The following TSC2 variants were observed in gnomAD, a reference collection of about 807,000 sequenced individuals.
The protein encoded by TSC2 is TSC complex subunit 2.
TSC2 carries 29 observed loss-of-function variants against 202.2 expected under a neutral mutation model. That is an observed-to-expected ratio of 0.14 (90% confidence interval 0.11 to 0.20). The LOEUF (loss-of-function observed/expected upper bound fraction) is 0.20. Ranked by LOEUF, TSC2 falls within the 10% of genes least tolerant of loss-of-function variation. The probability of loss-of-function intolerance (pLI) is 1.00; values close to 1 mark genes in which losing one functional copy is unlikely to be tolerated. For synonymous variants in TSC2, 1,349 were observed against 1,044.0 expected, an observed-to-expected ratio of 1.29 and a Z score of -5.63; for missense variants, 2,429 against 2,420.0, an observed-to-expected ratio of 1.00 and a Z score of -0.08.
chr16:2,058,641 A>G lies in TSC2; in HGVS notation c.849-106A>G, dbSNP rs1004914543. 75 of 1,504,946 alleles carry G rather than the reference A, an allele frequency of 5.0e-5. No individual in the cohort carries two copies. In the African/African-American group the frequency reaches 9.5e-4, roughly 19 times the overall value. The allele number at this position is 1,504,946 out of a possible 1,614,324, so 93.2% of individuals were successfully genotyped here. A position where few individuals can be genotyped will look rare whatever the true frequency, so the allele number is the denominator to read the frequency against. On this transcript the variant is annotated intron_variant, in intron 9 of 41. Coordinates refer to ENST00000219476, the MANE Select transcript of TSC2 (RefSeq NM_000548.5). ...CGGTGCTCCTGCCCCCCCCAAGCAC[A>G]GGGACCTCTGGGGCTGCTGCAGGAG...
intron 11 of TSC2, 114 bp from the exon 12 acceptor site, chr16:2,061,757 G>C: frequency 6.4e-7 from 1 of 1,573,484 alleles, no homozygotes; most frequent in Non-Finnish European, 8.7e-7. Flanking sequence ...GCGGCCCAGA[G>C]CGGCCTGAGA....
chr16:2,079,552 C>T lies in TSC2; in HGVS notation c.3285-5C>T, dbSNP rs1444989940. On this transcript the variant is annotated splice_region_variant and splice_polypyrimidine_tract_variant and intron_variant, in intron 28 of 41. Coordinates refer to ENST00000219476, the MANE Select transcript of TSC2 (RefSeq NM_000548.5). The surrounding 1 kb of genome is among the most constrained non-coding windows in gnomAD (Gnocchi z 4.6). ...TCCACCCTGTGCGTGGGATTCTCTT[C>T]TCAGCTCCAGCCCCGGGGTGCATGT... 26 of 1,608,952 alleles carry T rather than the reference C, an allele frequency of 1.6e-5. No homozygotes were observed. Among genetic ancestry groups the T allele is most frequent in the Non-Finnish European group, 2.0e-5 (24 of 1,178,278 alleles).
chr16:2,057,287 G>T, intron 9 of TSC2, 109 bp downstream of exon 9: 1 of 1,343,526 alleles, frequency 7.4e-7, no homozygotes, highest in Non-Finnish European at 1.0e-6. Flanking sequence ...TTGTCCTCTC[G>T]GGCAGCTGTT....
rs1035837417 is a variant in TSC2, at chr16:2,076,086, G to C, written c.2658G>C (p.Val886=). 6.2e-7 allele frequency: 1 copy of C among 1,613,974 alleles called. No individual in the cohort carries two copies. Among genetic ancestry groups the C allele is most frequent in the Non-Finnish European group, 8.5e-7 (1 of 1,180,046 alleles). Residue 886 remains valine, a synonymous_variant, in exon 24 of 42, where the codon GTG becomes GTC. Coordinates refer to ENST00000219476, the MANE Select transcript of TSC2 (RefSeq NM_000548.5). ...TNPSKFNQYI[V]CLAHHVIAMW... is the part of the protein sequence containing the mutation. The stretch of plus-strand genomic sequence containing the variant: ...ATCTCAGGTTTAATCAGTACATCGT[G>C]TGTCTGGCCCATCACGTCATAGCCA...
rs1441136255 is a variant in TSC2, at chr16:2,084,525, G to T, written c.4303G>T (p.Glu1435Ter). The T allele has an allele frequency of 6.2e-7, 1 of 1,609,532 alleles. No homozygotes were observed. Reference sequence around the variant, plus strand: ...AAGTGCTGCCTGGTCGGCCTCGGGCGAAGACAGTCGGGGCCAGCCCGAGGG... The same window carrying T: ...AAGTGCTGCCTGGTCGGCCTCGGGCTAAGACAGTCGGGGCCAGCCCGAGGG... ...GESAAWSASG[E>*]DSRGQPEGPL... is the part of the protein sequence containing the mutation. Residue 1435 changes from glutamate to a stop codon, truncating the protein, a stop_gained, in exon 34 of 42, where the codon GAA (glutamate) becomes TAA (stop). Transcript: ENST00000219476. LOFTEE classifies it high-confidence loss of function.
intron 5 of TSC2, chr16:2,054,991 G>T (rs899729819): frequency 5.8e-6 from 2 of 346,392 alleles, no homozygotes; most frequent in South Asian, 2.5e-5. Flanking sequence ...GGTGCCTACC[G>T]TCAGGTTTCC....
intron 3 of TSC2, 32 bp downstream of exon 3, chr16:2,050,518 G>A: frequency 1.9e-6 from 3 of 1,595,958 alleles, no homozygotes; most frequent in African/African-American, 1.3e-5. Context: ...ACTAGAGAGA[G>A]GCACGTAGAC....
At chr16:2,054,488 T>A (rs769339163) in intron 5 of TSC2, 48 bp downstream of exon 5, 7 of 1,612,740 alleles carry the variant, frequency 4.3e-6, no homozygotes, top group Non-Finnish European at 4.2e-6. Context: ...GACGATCAAG[T>A]GTAACCTGGA....
intron 31 of TSC2, chr16:2,082,007 C>G (rs1657328293): frequency 1.4e-6 from 1 of 728,418 alleles, no homozygotes; most frequent in Non-Finnish European, 2.3e-6. Context: ...CTGGCAGCTT[C>G]AGAAGCAGTA....
At position 2,077,354 on chromosome 16, in the gene TSC2, C is replaced by T. The variant is rs1212294763; in HGVS notation, c.2838-244C>T. 2.6e-5 allele frequency: 15 copies of T among 584,704 alleles called. No individual in the cohort carries two copies. In the Admixed American group the frequency reaches 3.9e-4, roughly 15 times the overall value. 36.2% of individuals were successfully genotyped at this position (584,704 alleles called of 1,614,324 possible). Reference sequence around the variant, plus strand: ...GCACTGACGTTGTTTGTTTTGGTGTCATGCGTGAAGCCTTACTTGTTCTCA... The same window carrying T: ...GCACTGACGTTGTTTGTTTTGGTGTTATGCGTGAAGCCTTACTTGTTCTCA... On this transcript the variant is annotated intron_variant, in intron 25 of 41. Transcript: ENST00000219476.
intron 9 of TSC2, 77 bp downstream of exon 9, chr16:2,057,255 C>T: frequency 6.7e-7 from 1 of 1,500,434 alleles, no homozygotes; most frequent in African/African-American, 1.4e-5. Flanking sequence ...CCTTGCCAAG[C>T]ACACACTGGC....
intron 14 of TSC2, chr16:2,063,653 T>C (rs2086911444): frequency 4.5e-6 from 1 of 220,274 alleles, no homozygotes; most frequent in Non-Finnish European, 9.2e-6. Flanking sequence ...TCTGCTCCTC[T>C]CCCCAGCGTC....
In TSC2 at chr16:2,073,830, G is replaced by A. The variant is rs547707219; in HGVS notation, c.2356-370G>A. 4.6e-5 allele frequency among the ~76,000 whole-genome samples: 7 copies of A among 152,384 alleles called. No homozygotes were observed. In the East Asian group the frequency reaches 1.2e-3, roughly 25 times the overall value. On this transcript the variant is annotated intron_variant, in intron 21 of 41. Transcript: ENST00000219476. ...TGGCCCCGGGCTCTGCCTGAGCTCC[G>A]CTCATCTTCTGCTGTCCTCATGGAA...
At chr16:2,065,913 G>A (rs1285781294) in intron 16 of TSC2, among the ~76,000 whole-genome samples, 5 of 152,152 alleles carry the variant, frequency 3.3e-5, no homozygotes, top group South Asian at 4.1e-4. Context: ...GCTTGCCCTC[G>A]TCACCCAGCA....
In TSC2 at chr16:2,072,872, G is replaced by T. The variant is rs2151326551; in HGVS notation, c.2244G>T (p.Glu748Asp). 5 of 1,613,598 alleles carry T rather than the reference G, an allele frequency of 3.1e-6. No homozygotes were observed. Among genetic ancestry groups the T allele is most frequent in the Non-Finnish European group, 4.2e-6 (5 of 1,180,036 alleles). ...AGCTTTCAGGCCCAAAGACACTGGA[G>T]CGGCTCCGAGGCGCCCCAGAAGGCT... ...CSMLSGPKTL[E>D]RLRGAPEGFS... The change falls in exon 21 of 42, where the codon GAG becomes GAT. Residue 748 changes from glutamate (E) to aspartate (D), a missense_variant. Transcript: ENST00000219476.
At chr16:2,061,728 T>G in intron 11 of TSC2, 143 bp from the exon 12 acceptor site, 2 of 1,414,552 alleles carry the variant, frequency 1.4e-6, no homozygotes, top group Middle Eastern at 4.5e-4. Flanking sequence ...CTCAGAGGGC[T>G]GGGGGCGTCT....
At chr16:2,049,125 G>A (rs2150980248) in intron 2 of TSC2, among the ~76,000 whole-genome samples, 1 of 151,928 alleles carries the variant, frequency 6.6e-6, no homozygotes, top group East Asian at 1.9e-4. Flanking sequence ...TTGCTCTGTT[G>A]CCTAGGCTGG....
At chr16:2,076,011 G>T in intron 23 of TSC2, 57 bp from the exon 24 acceptor site, 1 of 1,613,196 alleles carries the variant, frequency 6.2e-7, no homozygotes, top group Non-Finnish European at 8.5e-7. Flanking sequence ...TGCACTTCAT[G>T]CCCTGGGGAT....
At position 2,088,944 on chromosome 16, in the gene TSC2, T is replaced by TTCCTCTAACCACCCTGGGGTCCTC. The variant is rs2091287723; in HGVS notation, c.*336_*359dup. On this transcript the variant is annotated 3_prime_UTR_variant, in exon 42 of 42. Coordinates refer to ENST00000219476, the MANE Select transcript of TSC2 (RefSeq NM_000548.5). ...GGAGCCAGCCCCCAGGAGGAGTCTT[T>TTCCTCTAACCACCCTGGGGTCCTC]TCCTCTAACCACCCTGGGGTCCTCT... 2 of 356,962 alleles carry TTCCTCTAACCACCCTGGGGTCCTC rather than the reference T, an allele frequency of 5.6e-6. No individual in the cohort carries two copies. Among genetic ancestry groups the TTCCTCTAACCACCCTGGGGTCCTC allele is most frequent in the Non-Finnish European group, 1.1e-5 (2 of 189,766 alleles). 22.1% of individuals were successfully genotyped at this position (356,962 alleles called of 1,614,324 possible).
Sources: gnomAD v4.1 joint callset for allele counts (sites outside exome capture counted in the v4.1 genomes callset) on GRCh38, gnomAD v4.1.1 for gene constraint, Gnocchi (gnomAD v3.1) non-coding constraint, MANE v1.5 for transcripts, NCBI Gene and HGNC (gene_info 2026-07-23, HGNC 2026-07-21) for gene names.